Variants in SORCS1 observed in about 807,000 individuals in gnomAD.
The protein encoded by SORCS1 is VPS10 domain-containing receptor SorCS1.
A neutral mutation model predicts 146.1 loss-of-function variants in SORCS1; 60 were observed. That is an observed-to-expected ratio of 0.41 (90% CI 0.33 to 0.51). SORCS1 has a LOEUF of 0.51. Among genes scored for constraint, SORCS1 ranks in the 20% least tolerant of loss-of-function variants. The pLI is 0.21. For missense variants in SORCS1, 1,352 were observed against 1,487.6 expected, an observed-to-expected ratio of 0.91 and a Z score of 1.50; for synonymous variants, 637 against 584.0, an observed-to-expected ratio of 1.09 and a Z score of -1.31.
intron 1 of SORCS1, among the ~76,000 whole-genome samples, chr10:107,121,468 T>C (rs1966410205): frequency 6.6e-6 from 1 of 152,218 alleles, no homozygotes; most frequent in Non-Finnish European, 1.5e-5. Context: ...GGACCATCCC[T>C]TCTAAGCTTT....
chr10:106,776,725 C>A (rs756632908), intron 3 of SORCS1, 33 bp from the exon 4 acceptor site: 32 of 1,587,976 alleles, frequency 2.0e-5, no homozygotes, highest in Non-Finnish European at 2.7e-5. Flanking sequence ...AAAGAAACAA[C>A]AGAAAATTAA....
Position 106,960,284 on chromosome 10 carries a change from C to T in SORCS1, c.559-3704G>A, listed in dbSNP as rs556544481. On this transcript the variant is annotated intron_variant, in intron 1 of 25. Transcript: ENST00000263054. This position sits in a 1 kb window ranked among gnomAD's most constrained non-coding sequence, Gnocchi z 4.4. ...TGCTTCAAGTATCCCCCTCGCCAGT[C>T]TAGGACTTGCTGTCAGCACATGACA... is the stretch of plus-strand genomic sequence containing the variant. Among the ~76,000 whole-genome samples the T allele has an allele frequency of 6.6e-6, 1 of 152,228 alleles. No individual in the cohort carries two copies. Among genetic ancestry groups the T allele is most frequent in the African/African-American group, 2.4e-5 (1 of 41,462 alleles).
At chr10:107,044,877 C>T (rs1959233039) in intron 1 of SORCS1, among the ~76,000 whole-genome samples, 1 of 149,674 alleles carries the variant, frequency 6.7e-6, no homozygotes, top group African/African-American at 2.5e-5. Flanking sequence ...ATAGGTGCTG[C>T]ATCAGATAGA....
At chr10:106,940,264 A>C (rs570996024) in intron 2 of SORCS1, among the ~76,000 whole-genome samples, 7 of 152,360 alleles carry the variant, frequency 4.6e-5, no homozygotes, top group African/African-American at 1.7e-4. Flanking sequence ...CTAATATGGG[A>C]CATGCTTTAT....
intron 18 of SORCS1, among the ~76,000 whole-genome samples, chr10:106,651,339 T>G (rs894374284): frequency 6.6e-6 from 1 of 152,184 alleles, no homozygotes; most frequent in African/African-American, 2.4e-5. Context: ...ACCCCAGCCT[T>G]GCCACTGTTT....
intron 1 of SORCS1, among the ~76,000 whole-genome samples, chr10:107,078,989 G>A (rs1367116704): frequency 6.6e-6 from 1 of 152,188 alleles, no homozygotes; most frequent in Admixed American, 6.5e-5. Context: ...ACTTTGGGAG[G>A]CCAATGCAGG....
intron 19 of SORCS1, 52 bp from the exon 20 acceptor site, chr10:106,620,613 C>G (rs969586270): frequency 4.4e-6 from 7 of 1,593,832 alleles, no homozygotes; most frequent in Non-Finnish European, 5.1e-6. Context: ...TTCCTCTGCT[C>G]TGTCCTCCCT....
chr10:107,070,944 G>A (rs1269394025), intron 1 of SORCS1, among the ~76,000 whole-genome samples: 3 of 151,980 alleles, frequency 2.0e-5, no homozygotes, highest in Admixed American at 6.6e-5. Context: ...TCCCATAAAC[G>A]AGGCTTGCTA....
intron 1 of SORCS1, among the ~76,000 whole-genome samples, chr10:107,072,798 T>C (rs529164266): frequency 6.6e-6 from 1 of 151,428 alleles, no homozygotes; most frequent in African/African-American, 2.4e-5. Context: ...GTTTGAATAA[T>C]TGCCCAGAAA....
chr10:106,610,611 C>CT (rs1423983654), intron 22 of SORCS1, among the ~76,000 whole-genome samples: 1 of 152,056 alleles, frequency 6.6e-6, no homozygotes, highest in Non-Finnish European at 1.5e-5. Flanking sequence ...TTTTTGTGTC[C>CT]TGTGGCACCA....
chr10:107,001,608 C>T (rs781484647), intron 1 of SORCS1, among the ~76,000 whole-genome samples: 9 of 152,174 alleles, frequency 5.9e-5, no homozygotes, highest in Non-Finnish European at 8.8e-5. Context: ...GGATTACAGG[C>T]ACGTGCCACC....
rs1969980964 is a variant in SORCS1, at chr10:107,164,667, C to T, written c.-141G>A. On this transcript the variant is annotated 5_prime_UTR_variant, in exon 1 of 26. Coordinates refer to ENST00000263054, the MANE Select transcript of SORCS1 (RefSeq NM_052918.5). The surrounding 1 kb of genome is among the most constrained non-coding windows in gnomAD (Gnocchi z 6.8). ...CCGCGGTGGGGGCGGGCGGAGGCGG[C>T]GCCGGGCAGGTGGCGGCCGCTTGCC... 1 of 652,536 alleles carries T rather than the reference C, an allele frequency of 1.5e-6. No homozygotes were observed. The highest frequency in any genetic ancestry group is 2.2e-6 in the Non-Finnish European group (1 of 458,696). 40.4% of individuals were successfully genotyped at this position (652,536 alleles called of 1,614,324 possible). A position where few individuals can be genotyped will look rare whatever the true frequency, so the allele number is the denominator to read the frequency against.
At chr10:107,005,261 C>T (rs1957389908) in intron 1 of SORCS1, among the ~76,000 whole-genome samples, 1 of 149,076 alleles carries the variant, frequency 6.7e-6, no homozygotes, top group Non-Finnish European at 1.5e-5. Flanking sequence ...GAGTTTGAAG[C>T]TGCAGTGAGC....
At chr10:106,726,867 A>C (rs958821446) in intron 6 of SORCS1, among the ~76,000 whole-genome samples, 9 of 152,130 alleles carry the variant, frequency 5.9e-5, no homozygotes, top group Non-Finnish European at 1.2e-4. Flanking sequence ...CGGGCGGATC[A>C]CGAGGTGAGG....
rs572439679 is a variant in SORCS1 at position 107,130,945 on chromosome 10, G to A, written c.558+33024C>T. 3.9e-5 allele frequency among the ~76,000 whole-genome samples: 6 copies of A among 151,970 alleles called. No homozygotes were observed. In the East Asian group the frequency reaches 7.8e-4, roughly 20 times the overall value. ...TGGAGCCATTAAGCAATAACTCCAC[G>A]TTCCTCCCTCCCAATCCCCCAGTAA... On this transcript the variant is annotated intron_variant, in intron 1 of 25. Transcript: ENST00000263054.
intron 1 of SORCS1, among the ~76,000 whole-genome samples, chr10:106,983,021 T>TA (rs912766658): frequency 1.1e-3 from 162 of 150,018 alleles, no homozygotes; most frequent in Non-Finnish European, 1.4e-3. Context: ...CAAAGGTGCT[T>TA]AAAAAAAAAG....
intron 5 of SORCS1, among the ~76,000 whole-genome samples, chr10:106,755,854 C>T (rs1858595849): frequency 6.6e-6 from 1 of 152,192 alleles, no homozygotes. Flanking sequence ...CTAGGCTGGG[C>T]ATGGCGGCCC....
intron 4 of SORCS1, among the ~76,000 whole-genome samples, chr10:106,764,062 C>G (rs879907055): frequency 2.0e-5 from 3 of 152,156 alleles, no homozygotes; most frequent in Non-Finnish European, 2.9e-5. Flanking sequence ...GAAAATTTAT[C>G]AGAGGAATAT....
chr10:106,590,085 A>G (rs1845509509), intron 24 of SORCS1, among the ~76,000 whole-genome samples: 1 of 152,146 alleles, frequency 6.6e-6, no homozygotes, highest in Non-Finnish European at 1.5e-5. Context: ...ATTTGAGGGT[A>G]TATATCTAGA....
Sources: allele counts gnomAD v4.1 joint callset (sites outside exome capture counted in the v4.1 genomes callset), GRCh38; gene constraint gnomAD v4.1.1; non-coding constraint Gnocchi (gnomAD v3.1); transcripts MANE v1.5; gene names NCBI Gene and HGNC (gene_info 2026-07-23, HGNC 2026-07-21).